ELAPOR2: variants seen among roughly 807,000 people sequenced by gnomAD.
ELAPOR2 encodes the protein endosome-lysosome associated apoptosis and autophagy regulator family member 2, also known as endosome/lysosome-associated apoptosis and autophagy regulator family member 2.
A neutral mutation model predicts 120.7 loss-of-function variants in ELAPOR2; 89 were observed. The observed-to-expected ratio is 0.74, with a 90% CI of 0.62 to 0.88. The LOEUF (loss-of-function observed/expected upper bound fraction) is 0.88. Ranked by LOEUF, ELAPOR2 falls within the 40% of genes least tolerant of loss-of-function variation. ELAPOR2 has a pLI of 0.00. For synonymous variants in ELAPOR2, 444 were observed against 444.9 expected, an observed-to-expected ratio of 1.00 and a Z score of 0.03; for missense variants, 1,134 against 1,251.6, an observed-to-expected ratio of 0.91 and a Z score of 1.42.
intron 1 of ELAPOR2, among the ~76,000 whole-genome samples, chr7:87,031,325 G>A (rs1435149246): frequency 6.6e-6 from 1 of 152,134 alleles, no homozygotes; most frequent in Non-Finnish European, 1.5e-5. Flanking sequence ...CACAAAGACT[G>A]TTTTCATTTC....
At chr7:86,977,725 T>C (rs1163414024) in intron 1 of ELAPOR2, among the ~76,000 whole-genome samples, 3 of 152,218 alleles carry the variant, frequency 2.0e-5, no homozygotes, top group Admixed American at 2.0e-4. Context: ...AAGCAATACA[T>C]ATTCAGTATG....
chr7:86,988,310 G>A (rs759387439), intron 1 of ELAPOR2, among the ~76,000 whole-genome samples: 16 of 152,108 alleles, frequency 1.1e-4, no homozygotes, highest in African/African-American at 2.9e-4. Context: ...AAGCCTGCAC[G>A]TTGTGCACAT....
intron 1 of ELAPOR2, among the ~76,000 whole-genome samples, chr7:87,020,567 T>G (rs143514738): frequency 1.0e-3 from 155 of 152,220 alleles, no homozygotes; most frequent in African/African-American, 3.4e-3. Context: ...CCAGAATAGA[T>G]AAATCACATA....
intron 18 of ELAPOR2, among the ~76,000 whole-genome samples, chr7:86,903,837 T>C (rs956552353): frequency 6.6e-6 from 1 of 152,172 alleles, no homozygotes; most frequent in Non-Finnish European, 1.5e-5. Flanking sequence ...AAAAAAATGA[T>C]TTTCCTCTAA....
At chr7:87,016,957 T>C (rs1793888332) in intron 1 of ELAPOR2, among the ~76,000 whole-genome samples, 1 of 152,136 alleles carries the variant, frequency 6.6e-6, no homozygotes, top group South Asian at 2.1e-4. Context: ...AGAATAAAGA[T>C]AGAAAACAAG....
chr7:86,926,332 A>C (rs930558519), intron 9 of ELAPOR2, among the ~76,000 whole-genome samples: 1 of 152,028 alleles, frequency 6.6e-6, no homozygotes, highest in African/African-American at 2.4e-5. Context: ...TACCTGCTGC[A>C]AAAGTACTAC....
intron 18 of ELAPOR2, among the ~76,000 whole-genome samples, chr7:86,903,215 A>C (rs1364484912): frequency 6.6e-6 from 1 of 152,204 alleles, no homozygotes; most frequent in Non-Finnish European, 1.5e-5. Flanking sequence ...ATCATGTCTT[A>C]AGAGTACTTA....
chr7:87,040,032 C>A (rs976248707), intron 1 of ELAPOR2, among the ~76,000 whole-genome samples: 3 of 152,304 alleles, frequency 2.0e-5, no homozygotes, highest in African/African-American at 7.2e-5. Context: ...AAAATCGGGT[C>A]ACTCCCACTC....
chr7:87,056,969 T>G (rs1170562939), intron 1 of ELAPOR2, among the ~76,000 whole-genome samples: 1 of 152,156 alleles, frequency 6.6e-6, no homozygotes, highest in African/African-American at 2.4e-5. Context: ...ACATTGAGAG[T>G]TGGTTTTAGC....
At chr7:86,961,209 C>G (rs1269539458) in intron 2 of ELAPOR2, among the ~76,000 whole-genome samples, 2 of 152,134 alleles carry the variant, frequency 1.3e-5, no homozygotes, top group Non-Finnish European at 2.9e-5. Flanking sequence ...AAGACTATGA[C>G]TGATTTGATC....
intron 12 of ELAPOR2, among the ~76,000 whole-genome samples, chr7:86,916,537 C>A (rs534672039): frequency 6.6e-6 from 1 of 152,264 alleles, no homozygotes; most frequent in African/African-American, 2.4e-5. Flanking sequence ...CGCCATGTTA[C>A]AGAATTTGAA....
chr7:86,884,186 T>A (rs1317099520), intron 21 of ELAPOR2, among the ~76,000 whole-genome samples: 4 of 152,222 alleles, frequency 2.6e-5, no homozygotes, highest in Non-Finnish European at 5.9e-5. Flanking sequence ...TTCACTACCC[T>A]GAATCTTCTC....
intron 16 of ELAPOR2, among the ~76,000 whole-genome samples, chr7:86,909,377 G>A (rs1789187242): frequency 6.6e-6 from 1 of 152,048 alleles, no homozygotes; most frequent in East Asian, 1.9e-4. Flanking sequence ...AAGGGAACAT[G>A]AGGAATCAAA....
At chr7:86,965,594 G>C (rs1430291839) in intron 1 of ELAPOR2, among the ~76,000 whole-genome samples, 4 of 152,056 alleles carry the variant, frequency 2.6e-5, no homozygotes, top group Non-Finnish European at 5.9e-5. Context: ...TATTAAAATT[G>C]ACCATTAATT....
chr7:86,951,665 C>T (rs759774675), intron 2 of ELAPOR2, among the ~76,000 whole-genome samples: 2 of 152,308 alleles, frequency 1.3e-5, no homozygotes, highest in Non-Finnish European at 2.9e-5. Context: ...TTACCCCAAA[C>T]ACTAAATTAA....
intron 1 of ELAPOR2, among the ~76,000 whole-genome samples, chr7:87,049,620 A>T (rs952265376): frequency 2.0e-5 from 3 of 152,192 alleles, no homozygotes; most frequent in Non-Finnish European, 2.9e-5. Flanking sequence ...TGACAAAATG[A>T]CAATTGAGTA....
At chr7:86,933,903 T>C (rs1207137427) in intron 8 of ELAPOR2, among the ~76,000 whole-genome samples, 2 of 152,010 alleles carry the variant, frequency 1.3e-5, no homozygotes, top group African/African-American at 2.4e-5. Flanking sequence ...AAATCCCTGA[T>C]CAGTATTCTT....
rs557137815 is a variant in ELAPOR2, at chr7:86,945,654, G to A, written c.507-608C>T. Among the ~76,000 whole-genome samples, 10 of 152,280 alleles carry A rather than the reference G, an allele frequency of 6.6e-5. No individual in the cohort carries two copies. In the South Asian group the frequency reaches 1.9e-3, roughly 28 times the overall value. On this transcript the variant is annotated intron_variant, in intron 3 of 21. Coordinates refer to ENST00000450689, the MANE Select transcript of ELAPOR2 (RefSeq NM_001142749.3). ...GCAATAGTATGAAGATAAGGGTATAGATGTAACTATGCTGTTGTAAAATTT... is the reference window on the plus strand; with the variant it reads ...GCAATAGTATGAAGATAAGGGTATAAATGTAACTATGCTGTTGTAAAATTT...
intron 21 of ELAPOR2, among the ~76,000 whole-genome samples, chr7:86,890,289 T>C (rs1307031640): frequency 6.6e-6 from 1 of 151,950 alleles, no homozygotes; most frequent in Non-Finnish European, 1.5e-5. Context: ...AAAGATATAT[T>C]GTCTCCTTCC....
Sources: gnomAD v4.1 joint callset for allele counts (sites outside exome capture counted in the v4.1 genomes callset) on GRCh38, gnomAD v4.1.1 for gene constraint, MANE v1.5 for transcripts, NCBI Gene and HGNC (gene_info 2026-07-23, HGNC 2026-07-21) for gene names.